The following DPP6 variants were observed in gnomAD, a reference collection of about 807,000 sequenced individuals.
DPP6 encodes dipeptidyl peptidase like 6.
A neutral mutation model predicts 122.6 loss-of-function variants in DPP6; 69 were observed. The ratio of observed to expected loss-of-function variants is 0.56; its 90% CI spans 0.46 to 0.69. DPP6 has a LOEUF of 0.69. DPP6 is among the 30% of genes least tolerant of loss of function. DPP6 has a pLI of 0.00. For synonymous variants in DPP6, 418 were observed against 433.1 expected, an observed-to-expected ratio of 0.97 and a Z score of 0.43; for missense variants, 928 against 1,116.9, an observed-to-expected ratio of 0.83 and a Z score of 2.41.
In DPP6 at chr7:154,714,515, G is replaced by C. The variant is rs553182173; in HGVS notation, c.763-13252G>C. ...ACAATCATGGTGGAACCTCTTCGCA[G>C]GGCAGCAGGAGAGGGAATGAGTGCC... is the stretch of plus-strand genomic sequence containing the variant. On this transcript the variant is annotated intron_variant, in intron 7 of 25. Transcript: ENST00000377770. Among the ~76,000 whole-genome samples, 3 of 152,284 alleles carry C rather than the reference G, an allele frequency of 2.0e-5. No homozygotes were observed. The East Asian group carries it at 5.8e-4, about 29-fold the overall frequency.
intron 1 of DPP6, among the ~76,000 whole-genome samples, chr7:154,324,467 T>C (rs1219157084): frequency 6.6e-6 from 1 of 152,142 alleles, no homozygotes; most frequent in Non-Finnish European, 1.5e-5. Flanking sequence ...AAACCTAGCC[T>C]CAGCTTGACT....
chr7:154,002,718 A>G (rs1226183468), intron 1 of DPP6, among the ~76,000 whole-genome samples: 3 of 152,184 alleles, frequency 2.0e-5, no homozygotes, highest in Non-Finnish European at 2.9e-5. Context: ...TGTGACAGGC[A>G]CATGAGGGAG....
At position 154,142,219 on chromosome 7, in the gene DPP6, C is replaced by T. The variant is rs1310766140; in HGVS notation, c.243+89156C>T. On this transcript the variant is annotated intron_variant, in intron 1 of 25. Coordinates refer to ENST00000377770, the MANE Select transcript of DPP6 (RefSeq NM_130797.4). The stretch of plus-strand genomic sequence containing the variant: ...AGTGATAGAGATTTTAATTTAAATG[C>T]GAGAATATAAATGGGCAAATATTTG... 2.7e-5 allele frequency among the ~76,000 whole-genome samples: 4 copies of T among 150,436 alleles called. No individual in the cohort carries two copies. In the South Asian group the frequency reaches 6.4e-4, roughly 24 times the overall value.
At position 154,297,910 on chromosome 7, in the gene DPP6, A is replaced by C. The variant is rs144451254; in HGVS notation, c.244-148304A>C. On this transcript the variant is annotated intron_variant, in intron 1 of 25. Coordinates refer to ENST00000377770, the MANE Select transcript of DPP6 (RefSeq NM_130797.4). Reference sequence around the variant, plus strand: ...CGAGCTTTTCCAGTTGCTGCCTGTCATGGTTAGTTTTAGGTGTCAGCTTGG... The same window carrying C: ...CGAGCTTTTCCAGTTGCTGCCTGTCCTGGTTAGTTTTAGGTGTCAGCTTGG... Among the ~76,000 whole-genome samples, 1,062 of 152,264 alleles carry C rather than the reference A, an allele frequency of 7.0e-3. 11 individuals are homozygous for C. The highest frequency in any genetic ancestry group is 0.025 in the African/African-American group (1,024 of 41,544).
At chr7:153,903,432 C>T (rs952631746) in intron 1 of DPP6, among the ~76,000 whole-genome samples, 1 of 152,144 alleles carries the variant, frequency 6.6e-6, no homozygotes, top group African/African-American at 2.4e-5. Flanking sequence ...GATGAAGGTA[C>T]TAATATCTTT....
intron 6 of DPP6, among the ~76,000 whole-genome samples, chr7:154,666,194 T>TACACACACACAC (rs55773435): frequency 1.0e-4 from 12 of 118,986 alleles, no homozygotes; most frequent in Non-Finnish European, 1.7e-4. Context: ...TATATATATA[T>TACACACACACAC]ATATATACAC....
rs1029343021 is a variant in DPP6, at chr7:154,044,019, C to T, written c.51+156285C>T. Among the ~76,000 whole-genome samples, 9 of 149,964 alleles carry T rather than the reference C, an allele frequency of 6.0e-5. 1 individual carries two copies. The highest frequency in any genetic ancestry group is 2.0e-4 in the East Asian group (1 of 5,090). On this transcript the variant is annotated intron_variant, in intron 1 of 25. Transcript: ENST00000404039. Reference sequence around the variant, plus strand: ...CCATCAGGGACTCAGAGCACAAATTCGGGGCACAAACAGGACCCACCTCAT... The same window carrying T: ...CCATCAGGGACTCAGAGCACAAATTTGGGGCACAAACAGGACCCACCTCAT...
chr7:153,871,741 G>T, the DPP6 span, among the ~76,000 whole-genome samples: 1 of 152,146 alleles, frequency 6.6e-6, no homozygotes, highest in Non-Finnish European at 1.5e-5. Flanking sequence ...CTTCTGCGTC[G>T]CTCACGCTGG....
intron 7 of DPP6, among the ~76,000 whole-genome samples, chr7:154,724,970 T>C (rs1341976611): frequency 6.6e-6 from 1 of 152,200 alleles, no homozygotes; most frequent in Non-Finnish European, 1.5e-5. Flanking sequence ...TTTCAATAGC[T>C]TTCTGAGAAA....
At chr7:154,669,527 T>C in intron 7 of DPP6, 86 bp downstream of exon 7, 2 of 1,473,632 alleles carry the variant, frequency 1.4e-6, no homozygotes, top group African/African-American at 1.8e-5. Flanking sequence ...GTACTCAGCC[T>C]GTACATGGTG....
At chr7:154,293,183 C>T (rs796736343) in intron 1 of DPP6, among the ~76,000 whole-genome samples, 3 of 152,162 alleles carry the variant, frequency 2.0e-5, no homozygotes, top group African/African-American at 7.2e-5. Flanking sequence ...AAAAGAAACA[C>T]TTAAGATATA....
chr7:154,858,862 T>A (rs1355743933), intron 17 of DPP6, among the ~76,000 whole-genome samples: 1 of 152,184 alleles, frequency 6.6e-6, no homozygotes, highest in Non-Finnish European at 1.5e-5. Context: ...TTGAATGTAA[T>A]CGTAGCAGCA....
chr7:154,019,843 A>G (rs1237468259), intron 1 of DPP6, among the ~76,000 whole-genome samples: 12 of 152,336 alleles, frequency 7.9e-5, no homozygotes, highest in Non-Finnish European at 1.8e-4. Flanking sequence ...TAACCATAAC[A>G]GATAATGTTC....
At chr7:154,549,447 C>G (rs1361109489) in intron 4 of DPP6, among the ~76,000 whole-genome samples, 1 of 152,166 alleles carries the variant, frequency 6.6e-6, no homozygotes, top group African/African-American at 2.4e-5. Context: ...GTCAGTAGAT[C>G]ACACAGTAAT....
intron 16 of DPP6, among the ~76,000 whole-genome samples, chr7:154,829,512 G>C (rs1800460268): frequency 6.7e-6 from 1 of 150,364 alleles, no homozygotes; most frequent in Non-Finnish European, 1.5e-5. Flanking sequence ...AGGAAGGAAG[G>C]AAAATGGAGA....
At chr7:154,182,041 C>T (rs1270109667) in intron 1 of DPP6, among the ~76,000 whole-genome samples, 5 of 152,050 alleles carry the variant, frequency 3.3e-5, no homozygotes, top group East Asian at 3.9e-4. Flanking sequence ...TGTGTGCCAC[C>T]GTGCCTGGCC....
chr7:154,210,737 T>C (rs930212998), intron 1 of DPP6, among the ~76,000 whole-genome samples: 45 of 151,866 alleles, frequency 3.0e-4, no homozygotes, highest in Admixed American at 3.0e-3. Flanking sequence ...AATTGAGGTC[T>C]GTCCAGGGAG....
chr7:154,147,354 A>G (rs145055880), intron 1 of DPP6, among the ~76,000 whole-genome samples: 310 of 152,324 alleles, frequency 2.0e-3, no homozygotes, highest in African/African-American at 7.2e-3. Context: ...ATAAGAATAA[A>G]GGCAAAAGTC....
chr7:153,989,653 A>C (rs1339130049), intron 1 of DPP6, among the ~76,000 whole-genome samples: 1 of 152,006 alleles, frequency 6.6e-6, no homozygotes, highest in Non-Finnish European at 1.5e-5. Flanking sequence ...ACAGGCAGTG[A>C]CTTGCCCCAG....
Sources: allele counts gnomAD v4.1 joint callset (sites outside exome capture counted in the v4.1 genomes callset), GRCh38; gene constraint gnomAD v4.1.1; transcripts MANE v1.5; gene names NCBI Gene and HGNC (gene_info 2026-07-23, HGNC 2026-07-21).